The following MYLK variants were observed in gnomAD, a reference collection of about 807,000 sequenced individuals.
The protein encoded by MYLK is myosin light chain kinase, also known as myosin light chain kinase, smooth muscle.
A neutral mutation model predicts 203.4 loss-of-function variants in MYLK; 106 were observed. The observed-to-expected ratio is 0.52, with a 90% CI of 0.45 to 0.61. The LOEUF (loss-of-function observed/expected upper bound fraction) is 0.61, where lower values mean the gene tolerates loss of function less well. Ranked by LOEUF, MYLK falls within the 20% of genes least tolerant of loss-of-function variation. MYLK has a pLI of 0.00. For missense variants in MYLK, 2,072 were observed against 2,442.3 expected (o/e 0.85, Z 3.20); for synonymous variants, 867 against 959.5 (o/e 0.90, Z 1.78).
At chr3:123,633,116 CATT>C (rs1559991221) in intron 29 of MYLK, among the ~76,000 whole-genome samples, 1 of 151,002 alleles carries the variant, frequency 6.6e-6, no homozygotes, top group African/African-American at 2.4e-5. Flanking sequence ...ATAAAATAGT[CATT>C]ATTATTATTT....
chr3:123,684,690 A>G (rs1411873662), intron 19 of MYLK, among the ~76,000 whole-genome samples: 1 of 151,958 alleles, frequency 6.6e-6, no homozygotes, highest in Admixed American at 6.5e-5. Context: ...TCCTGAGTAC[A>G]CGCCTGACTA....
intron 13 of MYLK, among the ~76,000 whole-genome samples, chr3:123,721,766 G>C (rs1426753694): frequency 1.3e-5 from 2 of 150,130 alleles, no homozygotes; most frequent in African/African-American, 4.9e-5. Flanking sequence ...GGAGCTTCTG[G>C]AGCTAAGGGA....
Position 123,709,871 on chromosome 3 carries a change from A to G in MYLK, c.1827T>C (p.Ser609=), listed in dbSNP as rs765096150. ...TVHEKKSSRK[S]EYLLPVAPSK... ...TGGGAGCCACAGGCAGAAGGTACTC[A>G]CTCTTCCTGCTACTCTTCTTTTCTG... The change falls in exon 14 of 34, where the codon AGT becomes AGC. Residue 609 remains serine (S), a synonymous_variant. Transcript: ENST00000360304. The G allele has an allele frequency of 8.1e-6, 13 of 1,613,828 alleles. No individual in the cohort carries two copies. The highest frequency in any genetic ancestry group is 1.3e-5 in the African/African-American group (1 of 74,838).
At chr3:123,727,153 C>G (rs1190163985) in intron 11 of MYLK, among the ~76,000 whole-genome samples, 2 of 152,192 alleles carry the variant, frequency 1.3e-5, no homozygotes, top group African/African-American at 4.8e-5. Context: ...AGTTTTACAG[C>G]CAGCTCTGAC....
At chr3:123,730,279 T>C (rs1007858258) in intron 11 of MYLK, among the ~76,000 whole-genome samples, 1 of 152,120 alleles carries the variant, frequency 6.6e-6, no homozygotes, top group Admixed American at 6.5e-5. Flanking sequence ...CAAGTATTGG[T>C]GAGAATGTGG....
chr3:123,636,401 C>G (rs2058645434), intron 29 of MYLK, among the ~76,000 whole-genome samples: 1 of 152,228 alleles, frequency 6.6e-6, no homozygotes, highest in Non-Finnish European at 1.5e-5. Flanking sequence ...AAATCTGTAG[C>G]TGCAGAAGAT....
At chr3:123,752,766 C>T (rs1200202786) in intron 4 of MYLK, among the ~76,000 whole-genome samples, 1 of 152,170 alleles carries the variant, frequency 6.6e-6, no homozygotes, top group Non-Finnish European at 1.5e-5. Context: ...CCAGAATCCA[C>T]TATGCAAATG....
intron 11 of MYLK, 140 bp from the exon 12 acceptor site, chr3:123,726,218 C>G (rs969489710): frequency 4.6e-6 from 5 of 1,083,722 alleles, no homozygotes; most frequent in Non-Finnish European, 6.8e-6. Flanking sequence ...GCTTCTCTCT[C>G]TTCATGCTTA....
chr3:123,614,403 A>T (rs1166992569), intron 33 of MYLK, 54 bp from the exon 34 acceptor site: 58 of 1,610,810 alleles, frequency 3.6e-5, no homozygotes, highest in Non-Finnish European at 4.6e-5. Flanking sequence ...AAAATTTCTT[A>T]TCAACTCATG....
chr3:123,824,604 C>T (rs767676283), intron 3 of MYLK, among the ~76,000 whole-genome samples: 1 of 152,018 alleles, frequency 6.6e-6, no homozygotes, highest in Non-Finnish European at 1.5e-5. Context: ...TTCATAGAAA[C>T]AATAACGTAA....
chr3:123,805,897 A>G (rs1432423419), intron 3 of MYLK, among the ~76,000 whole-genome samples: 4 of 152,236 alleles, frequency 2.6e-5, no homozygotes, highest in Non-Finnish European at 5.9e-5. Flanking sequence ...TGTAACTGTA[A>G]TAAGTAATTT....
At chr3:123,879,505 T>A (rs1030979850) in intron 1 of MYLK, among the ~76,000 whole-genome samples, 1 of 152,186 alleles carries the variant, frequency 6.6e-6, no homozygotes, top group African/African-American at 2.4e-5. Flanking sequence ...TTTCTTGTCA[T>A]CCTTTAATTC....
intron 13 of MYLK, chr3:123,716,511 A>C (rs1186170023): frequency 6.6e-6 from 1 of 152,232 alleles, no homozygotes; most frequent in Non-Finnish European, 1.5e-5. Context: ...TATCCCAAAA[A>C]AGATCTCTGA....
chr3:123,841,062 G>C (rs1297365224), intron 2 of MYLK, among the ~76,000 whole-genome samples: 1 of 152,102 alleles, frequency 6.6e-6, no homozygotes, highest in Non-Finnish European at 1.5e-5. Flanking sequence ...GTTCCAGAAA[G>C]AGCTTGTTAC....
chr3:123,798,314 G>A (rs2065063276), intron 3 of MYLK, among the ~76,000 whole-genome samples: 1 of 152,096 alleles, frequency 6.6e-6, no homozygotes, highest in Non-Finnish European at 1.5e-5. Flanking sequence ...GGTATTTCTT[G>A]CCATCCCCAG....
At chr3:123,832,225 C>T (rs2066352784) in intron 2 of MYLK, among the ~76,000 whole-genome samples, 1 of 152,226 alleles carries the variant, frequency 6.6e-6, no homozygotes, top group South Asian at 2.1e-4. Flanking sequence ...TCTGTTCCCC[C>T]AGCACCACAC....
chr3:123,690,433 T>G (rs1402297311), intron 19 of MYLK, among the ~76,000 whole-genome samples: 1 of 152,036 alleles, frequency 6.6e-6, no homozygotes, highest in African/African-American at 2.4e-5. Context: ...ACAAACCCAC[T>G]GGGATCCCCA....
intron 2 of MYLK, among the ~76,000 whole-genome samples, chr3:123,849,661 G>A (rs1196866313): frequency 4.6e-5 from 7 of 152,166 alleles, no homozygotes; most frequent in Admixed American, 6.6e-5. Flanking sequence ...ATGATGGCTC[G>A]TGTTGGGTTG....
At chr3:123,759,440 T>C (rs1289188592) in intron 4 of MYLK, among the ~76,000 whole-genome samples, 1 of 152,246 alleles carries the variant, frequency 6.6e-6, no homozygotes, top group Non-Finnish European at 1.5e-5. Context: ...TAAGTATTAA[T>C]GAGAGGCATG....
Sources: allele counts gnomAD v4.1 joint callset (sites outside exome capture counted in the v4.1 genomes callset), GRCh38; gene constraint gnomAD v4.1.1; transcripts MANE v1.5; gene names NCBI Gene and HGNC (gene_info 2026-07-23, HGNC 2026-07-21).